The following ABI3BP variants were observed in gnomAD, a reference collection of about 807,000 sequenced individuals.
ABI3BP encodes the protein target of Nesh-SH3.
A neutral mutation model predicts 268.6 loss-of-function variants in ABI3BP; 216 were observed. That is an observed-to-expected ratio of 0.80 (90% CI 0.72 to 0.90). ABI3BP has a LOEUF of 0.90. ABI3BP is among the 40% of genes least tolerant of loss of function. ABI3BP has a pLI of 0.00. For synonymous variants in ABI3BP, 730 were observed against 730.0 expected (o/e 1.00, Z 0.00); for missense variants, 2,090 against 2,182.4 (o/e 0.96, Z 0.84).
chr3:100,892,902 T>G (rs2045429141), intron 4 of ABI3BP, among the ~76,000 whole-genome samples: 1 of 152,172 alleles, frequency 6.6e-6, no homozygotes. Context: ...GTGTGATGGT[T>G]AATAGTGAGT....
chr3:100,928,573 C>T (rs977597922), intron 1 of ABI3BP, among the ~76,000 whole-genome samples: 1 of 152,062 alleles, frequency 6.6e-6, no homozygotes, highest in African/African-American at 2.4e-5. Context: ...CATGTATGTG[C>T]ATAGTAGTTT....
At chr3:100,847,985 T>C (rs1282585348) in intron 18 of ABI3BP, among the ~76,000 whole-genome samples, 3 of 152,214 alleles carry the variant, frequency 2.0e-5, no homozygotes, top group East Asian at 3.8e-4. Context: ...CTATAATATA[T>C]ATGTTATTCC....
chr3:100,808,217 C>CGTG lies in ABI3BP; in HGVS notation c.3623_3625dup (p.Pro1208dup). On this transcript the variant is annotated inframe_insertion, in exon 50 of 68. Coordinates refer to ENST00000471714, the MANE Select transcript of ABI3BP (RefSeq NM_001375547.2). Reference sequence around the variant, plus strand: ...TGATGTTTTTGGCTTAGGAGGAGCACGTGGTGTCTGCTTGGGAGCTAAAAG... The same window carrying CGTG: ...TGATGTTTTTGGCTTAGGAGGAGCACGTGGTGGTGTCTGCTTGGGAGCTAAAAG... 1.2e-6 allele frequency: 2 copies of CGTG among 1,610,584 alleles called. No individual in the cohort carries two copies. Among genetic ancestry groups the CGTG allele is most frequent in the Non-Finnish European group, 1.7e-6 (2 of 1,178,030 alleles).
At position 100,832,832 on chromosome 3, in the gene ABI3BP, AC is replaced by A. The variant is rs376041447; in HGVS notation, c.2314+292del. ...AAGAAACTTCATGATATCATTTGAT[AC>A]TACGTTGGTGCTCTAAATAAGGAAT... On this transcript the variant is annotated intron_variant, in intron 30 of 67. Coordinates refer to ENST00000471714, the MANE Select transcript of ABI3BP (RefSeq NM_001375547.2). 1.8e-3 allele frequency among the ~76,000 whole-genome samples: 279 copies of A among 152,304 alleles called. 1 individual carries two copies. The Middle Eastern group carries it at 0.02, about 11-fold the overall frequency.
chr3:100,902,535 T>G, intron 3 of ABI3BP, 83 bp downstream of exon 3: 1 of 1,269,200 alleles, frequency 7.9e-7, no homozygotes, highest in South Asian at 1.3e-5. Flanking sequence ...CTCAAGGCAT[T>G]TGGTCTCCAG....
chr3:100,756,389 G>A (rs2095618498), intron 63 of ABI3BP, among the ~76,000 whole-genome samples: 1 of 152,172 alleles, frequency 6.6e-6, no homozygotes, highest in Admixed American at 6.5e-5. Flanking sequence ...GCTGGGCATG[G>A]TGGCACATGC....
Position 100,931,760 on chromosome 3 carries a change from G to A in ABI3BP, c.80-5279C>T, listed in dbSNP as rs559221131. Among the ~76,000 whole-genome samples, 40 of 152,120 alleles carry A rather than the reference G, an allele frequency of 2.6e-4. 1 individual carries two copies. The South Asian group carries it at 8.1e-3, about 31-fold the overall frequency. ...CTCATGAATAGGAAGAATCAATATT[G>A]GTAAAATGGCCATACTGCCCACAGC... On this transcript the variant is annotated intron_variant, in intron 1 of 67. Transcript: ENST00000471714.
intron 7 of ABI3BP, 37 bp from the exon 8 acceptor site, chr3:100,875,616 A>T (rs770428650): frequency 6.9e-7 from 1 of 1,452,744 alleles, no homozygotes; most frequent in East Asian, 2.3e-5. Flanking sequence ...AGGGGGTGGG[A>T]AATAGGAGGC....
intron 63 of ABI3BP, among the ~76,000 whole-genome samples, chr3:100,757,690 G>A (rs981865629): frequency 2.0e-5 from 3 of 152,186 alleles, no homozygotes; most frequent in African/African-American, 7.2e-5. Flanking sequence ...GGCAAAGGAT[G>A]TATAGGAATT....
chr3:100,792,589 G>A (rs2152090114), intron 55 of ABI3BP, 102 bp downstream of exon 55: 1 of 1,177,108 alleles, frequency 8.5e-7, no homozygotes, highest in Non-Finnish European at 1.2e-6. Context: ...AAAAAGTCAA[G>A]TAATCCACTG....
At chr3:100,755,450 G>C (rs2095566491) in intron 63 of ABI3BP, among the ~76,000 whole-genome samples, 1 of 152,154 alleles carries the variant, frequency 6.6e-6, no homozygotes, top group Admixed American at 6.5e-5. Flanking sequence ...CCAGAAAAGA[G>C]GCATGGTAAT....
intron 40 of ABI3BP, 46 bp from the exon 41 acceptor site, chr3:100,818,627 T>A: frequency 7.1e-7 from 1 of 1,399,962 alleles, no homozygotes; most frequent in Non-Finnish European, 9.8e-7. Context: ...CAGTAAATTA[T>A]ATCTTTCCAT....
Position 100,753,819 on chromosome 3 carries a change from C to T in ABI3BP, c.4960G>A (p.Ala1654Thr). 1 of 1,610,978 alleles carries T rather than the reference C, an allele frequency of 6.2e-7. No homozygotes were observed. The highest frequency in any genetic ancestry group is 1.3e-5 in the African/African-American group (1 of 74,962). Reference protein sequence around the residue: ...ADPRVSEPVSAGRDAIWTERP... With the variant: ...ADPRVSEPVSTGRDAIWTERP... ...GTGCCTCATTGAGACAGGTACTTAC[C>T]AGAAACTGGCTCACTCACTCTTGGG... Residue 1654 changes from alanine (A) to threonine (T), a missense_variant and splice_region_variant, in exon 65 of 68, where the codon GCA becomes ACA. Coordinates refer to ENST00000471714, the MANE Select transcript of ABI3BP (RefSeq NM_001375547.2).
chr3:100,886,177 C>T lies in ABI3BP; in HGVS notation c.608G>A (p.Trp203Ter). The T allele has an allele frequency of 6.2e-7, 1 of 1,600,474 alleles. No homozygotes were observed. Among genetic ancestry groups the T allele is most frequent in the Non-Finnish European group, 8.5e-7 (1 of 1,173,692 alleles). The change falls in exon 5 of 68, where the codon TGG (tryptophan) becomes TAG (stop). Residue 203 changes from tryptophan (W) to a stop codon, truncating the protein, a stop_gained. Transcript: ENST00000471714. LOFTEE classifies it high-confidence loss of function. ...AGTCTTGTGATTGAAAATCTTACTCCAAATTCCACCTTCCACATTGTCTTT... is the reference window on the plus strand; with the variant it reads ...AGTCTTGTGATTGAAAATCTTACTCTAAATTCCACCTTCCACATTGTCTTT... ...GVKDNVEGGI[W>*]SKIFNHKTVV...
chr3:100,972,494 C>A (rs2153888539), intron 1 of ABI3BP, among the ~76,000 whole-genome samples: 1 of 152,282 alleles, frequency 6.6e-6, no homozygotes, highest in East Asian at 1.9e-4. Context: ...ATTTTTGCCA[C>A]TTAAGGCTCT....
chr3:100,961,565 T>G (rs533580651), intron 1 of ABI3BP, among the ~76,000 whole-genome samples: 3 of 152,178 alleles, frequency 2.0e-5, no homozygotes, highest in Admixed American at 6.5e-5. Flanking sequence ...TAGAGCTACA[T>G]CAAGTTATGA....
At chr3:100,956,254 C>T (rs1259519870) in intron 1 of ABI3BP, among the ~76,000 whole-genome samples, 1 of 126,560 alleles carries the variant, frequency 7.9e-6, no homozygotes, top group African/African-American at 2.8e-5. Flanking sequence ...CACACACACA[C>T]ACACACATAT....
chr3:100,978,511 A>G (rs1376886829), intron 1 of ABI3BP, among the ~76,000 whole-genome samples: 1 of 152,178 alleles, frequency 6.6e-6, no homozygotes, highest in African/African-American at 2.4e-5. Context: ...TTTCAACTGA[A>G]GTTTTAGACA....
At chr3:100,919,750 G>A (rs539363134) in intron 2 of ABI3BP, among the ~76,000 whole-genome samples, 1 of 152,246 alleles carries the variant, frequency 6.6e-6, no homozygotes, top group East Asian at 1.9e-4. Flanking sequence ...CAAAATTCTC[G>A]CTATCTTCTT....
Sources: allele counts gnomAD v4.1 joint callset (sites outside exome capture counted in the v4.1 genomes callset), GRCh38; gene constraint gnomAD v4.1.1; transcripts MANE v1.5; gene names NCBI Gene and HGNC (gene_info 2026-07-23, HGNC 2026-07-21).